CLUAP1: variants seen among roughly 807,000 people sequenced by gnomAD.
CLUAP1 encodes the protein clusterin-associated protein 1.
Under a neutral mutation model 55.0 loss-of-function variants are expected in CLUAP1, and 50 were observed. That is an observed-to-expected ratio of 0.91 (90% CI 0.72 to 1.15). The LOEUF (loss-of-function observed/expected upper bound fraction) is 1.15, where lower values mean the gene tolerates loss of function less well. Ranked by LOEUF, CLUAP1 falls within the 50% of genes most tolerant of loss-of-function variation. CLUAP1 has a pLI of 0.00. For missense variants in CLUAP1, 530 were observed against 507.6 expected (o/e 1.04, Z -0.42); for synonymous variants, 195 against 175.4 (o/e 1.11, Z -0.88).
chr16:3,496,129 A>G (rs557364706), upstream of CLUAP1: 11 of 384,024 alleles, frequency 2.9e-5, no homozygotes, highest in Non-Finnish European at 5.5e-5. Flanking sequence ...CTGCAGAGCG[A>G]GACTCCGTCT....
intron 2 of CLUAP1, among the ~76,000 whole-genome samples, chr16:3,505,399 G>A (rs1193098654): frequency 8.0e-5 from 12 of 150,930 alleles, no homozygotes; most frequent in African/African-American, 2.7e-4. Context: ...GCGTGGTGGC[G>A]GGCGCCTGTG....
At chr16:3,529,737 T>TA (rs1356074803) in intron 9 of CLUAP1, among the ~76,000 whole-genome samples, 1 of 28,088 alleles carries the variant, frequency 3.6e-5, no homozygotes, top group East Asian at 1.8e-3. Flanking sequence ...ATATATATTA[T>TA]TATATATTAT....
intron 11 of CLUAP1, chr16:3,534,423 C>G (rs958942085): frequency 2.6e-5 from 4 of 153,014 alleles, no homozygotes; most frequent in African/African-American, 9.7e-5. Flanking sequence ...CGAGAGGCAG[C>G]AGGGGCCATG....
chr16:3,533,419 G>C (rs1402205623), intron 11 of CLUAP1: 1 of 497,314 alleles, frequency 2.0e-6, no homozygotes, highest in Non-Finnish European at 3.7e-6. Context: ...GACGCCGAGG[G>C]CCGGGCTCAG....
chr16:3,525,336 G>A (rs976593091), intron 8 of CLUAP1, among the ~76,000 whole-genome samples: 1 of 152,152 alleles, frequency 6.6e-6, no homozygotes, highest in Non-Finnish European at 1.5e-5. Context: ...AGAGTGGCAG[G>A]TAGGTGGCCC....
At chr16:3,526,589 C>T in intron 9 of CLUAP1, 105 bp downstream of exon 9, 1 of 535,870 alleles carries the variant, frequency 1.9e-6, no homozygotes, top group Non-Finnish European at 2.7e-6. Flanking sequence ...GTATTTTCTT[C>T]TTTTTTTCAG....
At chr16:3,531,316 C>T (rs56078885) in intron 10 of CLUAP1, among the ~76,000 whole-genome samples, 3 of 152,124 alleles carry the variant, frequency 2.0e-5, no homozygotes, top group South Asian at 2.1e-4. Context: ...GTCAAGAGAT[C>T]GAGACCATCC....
At position 3,504,809 on chromosome 16, in the gene CLUAP1, G is replaced by T; in HGVS notation, c.112G>T (p.Val38Leu). 6.2e-7 allele frequency: 1 copy of T among 1,608,654 alleles called. No individual in the cohort carries two copies. The highest frequency in any genetic ancestry group is 8.5e-7 in the Non-Finnish European group (1 of 1,175,032). Residue 38 changes from valine to leucine, a missense_variant, in exon 2 of 12, where the codon GTG (valine) becomes TTG (leucine). Val to Leu is a conservative substitution (Grantham distance 32). Coordinates refer to ENST00000576634, the MANE Select transcript of CLUAP1 (RefSeq NM_015041.3). Reference protein sequence around the residue: ...RTPNFGLVSEVLLWLVKRYEP... With the variant: ...RTPNFGLVSELLLWLVKRYEP... ...ACCCAATTTTGGACTTGTATCTGAA[G>T]TGCTTCTCTGGCTTGTGAAAAGGTT...
intron 4 of CLUAP1, among the ~76,000 whole-genome samples, chr16:3,508,870 C>G (rs1393757358): frequency 6.7e-6 from 1 of 150,222 alleles, no homozygotes. Flanking sequence ...TCAGGAAGGC[C>G]TCATGGATTG....
intron 2 of CLUAP1, 56 bp from the exon 3 acceptor site, chr16:3,506,275 T>A: frequency 7.1e-7 from 1 of 1,401,396 alleles, no homozygotes; most frequent in Non-Finnish European, 1.0e-6. Flanking sequence ...CACATTCTCT[T>A]TAGTAGACTT....
intron 6 of CLUAP1, among the ~76,000 whole-genome samples, chr16:3,519,539 T>TA (rs1485327749): frequency 6.6e-6 from 1 of 152,172 alleles, no homozygotes; most frequent in African/African-American, 2.4e-5. Flanking sequence ...GCCCGAATGA[T>TA]AAAAAGGCAG....
In CLUAP1 at chr16:3,501,077, C is replaced by T; in HGVS notation, c.10C>T (p.Arg4Cys). MSFRDLRNFTEMMR... is the reference protein window; with the variant it reads MSFCDLRNFTEMMR... ...TGGGGACCTGAGCGTTATGTCTTTCCGCGACCTCCGCAGTAAGGCAGCCCC... is the reference window on the plus strand; with the variant it reads ...TGGGGACCTGAGCGTTATGTCTTTCTGCGACCTCCGCAGTAAGGCAGCCCC... The change falls in exon 1 of 12, where the codon CGC (arginine) becomes TGC (cysteine). Residue 4 changes from arginine (R) to cysteine (C), a missense_variant. Arg to Cys is a radical substitution (Grantham distance 180). Transcript: ENST00000576634. 1 of 1,598,320 alleles carries T rather than the reference C, an allele frequency of 6.3e-7. No individual in the cohort carries two copies. The highest frequency in any genetic ancestry group is 8.5e-7 in the Non-Finnish European group (1 of 1,176,620).
chr16:3,515,440 A>G, intron 5 of CLUAP1, 68 bp from the exon 6 acceptor site: 1 of 1,137,812 alleles, frequency 8.8e-7, no homozygotes, highest in Non-Finnish European at 1.3e-6. Context: ...GCACATCTAG[A>G]TCTAGGAATA....
chr16:3,529,746 ATATATTATATAATATATAT>A (rs2038062365), intron 9 of CLUAP1, among the ~76,000 whole-genome samples: 1 of 43,880 alleles, frequency 2.3e-5, no homozygotes, highest in Non-Finnish European at 3.8e-5. Context: ...ATTATATATT[ATATATTATATAATATATAT>A]TATATTATTA....
chr16:3,499,957 C>A (rs556709018), upstream of CLUAP1, among the ~76,000 whole-genome samples: 1 of 152,264 alleles, frequency 6.6e-6, no homozygotes, highest in Non-Finnish European at 1.5e-5. Context: ...CATAAGGAAG[C>A]CCCCTCTGCT....
chr16:3,508,142 C>T (rs146303569), intron 3 of CLUAP1, 147 bp from the exon 4 acceptor site: 4 of 649,426 alleles, frequency 6.2e-6, no homozygotes, highest in Non-Finnish European at 1.0e-5. Context: ...CAACCACTCA[C>T]AATGTTTGAG....
intron 1 of CLUAP1, among the ~76,000 whole-genome samples, chr16:3,504,514 T>A (rs985436179): frequency 6.6e-6 from 1 of 152,264 alleles, no homozygotes; most frequent in African/African-American, 2.4e-5. Context: ...ACTTCTCCCA[T>A]TGAACTTAAA....
intron 5 of CLUAP1, among the ~76,000 whole-genome samples, chr16:3,513,851 A>G (rs779942547): frequency 4.6e-5 from 7 of 152,192 alleles, no homozygotes; most frequent in Non-Finnish European, 1.5e-5. Context: ...TCTTTCATTC[A>G]CTTCCTAGCA....
chr16:3,533,846 C>G (rs538705143), intron 11 of CLUAP1: 1 of 152,462 alleles, frequency 6.6e-6, no homozygotes, highest in Admixed American at 6.5e-5. Context: ...CTTGCCCACC[C>G]AAGACAGAAG....
Sources: allele counts gnomAD v4.1 joint callset (sites outside exome capture counted in the v4.1 genomes callset), GRCh38; gene constraint gnomAD v4.1.1; transcripts MANE v1.5; gene names NCBI Gene and HGNC (gene_info 2026-07-23, HGNC 2026-07-21).